Variants in ARHGEF4 observed in about 807,000 individuals in gnomAD.
ARHGEF4 encodes the protein Rho guanine nucleotide exchange factor 4, also known as APC-stimulated guanine nucleotide exchange factor 1.
A neutral mutation model predicts 162.0 loss-of-function variants in ARHGEF4; 119 were observed. That is an observed-to-expected ratio of 0.73 (90% CI 0.63 to 0.86). ARHGEF4 has a LOEUF of 0.86. Ranked by LOEUF, ARHGEF4 falls within the 40% of genes least tolerant of loss-of-function variation. The pLI, the probability that ARHGEF4 is intolerant of heterozygous loss-of-function variation, is 0.00. For missense variants in ARHGEF4, 2,488 were observed against 2,456.0 expected (o/e 1.01, Z -0.28); for synonymous variants, 1,014 against 979.9 (o/e 1.03, Z -0.65).
chr2:130,856,824 T>C (rs1681823080), intron 1 of ARHGEF4, among the ~76,000 whole-genome samples: 1 of 152,136 alleles, frequency 6.6e-6, no homozygotes, highest in Admixed American at 6.5e-5. Context: ...AAATGTAATA[T>C]GCTTCACAGT....
At chr2:130,949,675 TC>T (rs1424869523) in intron 4 of ARHGEF4, among the ~76,000 whole-genome samples, 1 of 151,916 alleles carries the variant, frequency 6.6e-6, no homozygotes, top group Non-Finnish European at 1.5e-5. Context: ...CGATGGGGTC[TC>T]GCTCTGTCGC....
chr2:130,960,482 T>G (rs1428729417), intron 4 of ARHGEF4, among the ~76,000 whole-genome samples: 1 of 152,150 alleles, frequency 6.6e-6, no homozygotes, highest in East Asian at 1.9e-4. Flanking sequence ...AGGCTATACA[T>G]TTAGGTTTGT....
intron 1 of ARHGEF4, among the ~76,000 whole-genome samples, chr2:130,907,950 C>T (rs1374668831): frequency 6.7e-6 from 1 of 149,534 alleles, no homozygotes; most frequent in African/African-American, 2.5e-5. Context: ...AAGCAAGACT[C>T]TGTCTCAAAA....
At chr2:131,043,423 G>T in intron 10 of ARHGEF4, 29 bp from the exon 11 acceptor site, 1 of 1,613,122 alleles carries the variant, frequency 6.2e-7, no homozygotes. Flanking sequence ...GGTATGCGAG[G>T]CTCATGGTTC....
At chr2:130,851,307 C>CAAAGCAGCAGGGCAGAGCTCGACACTATG (rs1681393401) in intron 1 of ARHGEF4, among the ~76,000 whole-genome samples, 1 of 152,222 alleles carries the variant, frequency 6.6e-6, no homozygotes, top group Non-Finnish European at 1.5e-5. Flanking sequence ...CAGGAGGGTG[C>CAAAGCAGCAGGGCAGAGCTCGACACTATG]TGGCGCCAGC....
At chr2:130,845,259 C>T (rs1574083627) in intron 1 of ARHGEF4, among the ~76,000 whole-genome samples, 1 of 151,720 alleles carries the variant, frequency 6.6e-6, no homozygotes, top group East Asian at 2.0e-4. Flanking sequence ...GTGGCTCACA[C>T]CTGTAATCCC....
chr2:131,042,006 T>G, intron 10 of ARHGEF4, 62 bp downstream of exon 10: 2 of 1,563,068 alleles, frequency 1.3e-6, no homozygotes, highest in Non-Finnish European at 1.7e-6. Context: ...AAAATCATGC[T>G]TGCCCCTGAA....
intron 1 of ARHGEF4, among the ~76,000 whole-genome samples, chr2:130,867,772 G>T (rs1682386789): frequency 6.6e-6 from 1 of 152,106 alleles, no homozygotes; most frequent in Non-Finnish European, 1.5e-5. Context: ...GAGATAAGAT[G>T]AGGAACTTGC....
In ARHGEF4 at chr2:130,988,883, TATATATATATATATATATAGAGAG is replaced by T. The variant is rs1327128280; in HGVS notation, c.3986-39060_3986-39037del. On this transcript the variant is annotated intron_variant, in intron 4 of 13. Coordinates refer to ENST00000409359, the MANE Select transcript of ARHGEF4 (RefSeq NM_001367493.1). ...GTGTGTGTGTGTGTGTATATATATA[TATATATATATATATATATAGAGAG>T]AGAGAGAGAGAGAGAGAGAGAGAGA... Among the ~76,000 whole-genome samples, 8 of 54,046 alleles carry T rather than the reference TATATATATATATATATATAGAGAG, an allele frequency of 1.5e-4. No individual in the cohort carries two copies. In the East Asian group the frequency reaches 3.6e-3, roughly 24 times the overall value. The allele number at this position is 54,046 out of a possible 152,430, so 35.5% of individuals were successfully genotyped here.
intron 2 of ARHGEF4, among the ~76,000 whole-genome samples, chr2:130,922,186 A>G (rs1453547210): frequency 6.6e-6 from 1 of 151,936 alleles, no homozygotes; most frequent in East Asian, 2.0e-4. Context: ...CCTGACCAAC[A>G]TGGAGAAACC....
intron 4 of ARHGEF4, among the ~76,000 whole-genome samples, chr2:130,969,843 C>G (rs1246440201): frequency 6.6e-6 from 1 of 152,130 alleles, no homozygotes; most frequent in Middle Eastern, 3.2e-3. Context: ...AGACTCCATC[C>G]CTAGGGATTT....
chr2:130,899,972 G>A (rs1680391870), intron 1 of ARHGEF4, among the ~76,000 whole-genome samples: 1 of 152,014 alleles, frequency 6.6e-6, no homozygotes, highest in South Asian at 2.1e-4. Flanking sequence ...CTTTCCTTGA[G>A]ACTTCCTCTT....
chr2:131,001,678 A>G (rs193049416), intron 4 of ARHGEF4, among the ~76,000 whole-genome samples: 1 of 152,302 alleles, frequency 6.6e-6, no homozygotes, highest in Non-Finnish European at 1.5e-5. Context: ...ATGTATGCAT[A>G]GCAGGCAGCT....
chr2:130,883,302 T>C (rs1679311148), intron 1 of ARHGEF4, among the ~76,000 whole-genome samples: 1 of 151,998 alleles, frequency 6.6e-6, no homozygotes, highest in South Asian at 2.1e-4. Context: ...TGAGACCGAG[T>C]GTGCTGGGTG....
At chr2:130,901,848 TA>T (rs1160318576) in intron 1 of ARHGEF4, among the ~76,000 whole-genome samples, 1 of 152,116 alleles carries the variant, frequency 6.6e-6, no homozygotes, top group Non-Finnish European at 1.5e-5. Context: ...AGAACCTCCT[TA>T]AACTCTCACA....
At chr2:130,981,177 C>T (rs1686091639) in intron 4 of ARHGEF4, among the ~76,000 whole-genome samples, 1 of 152,092 alleles carries the variant, frequency 6.6e-6, no homozygotes, top group South Asian at 2.1e-4. Flanking sequence ...CTGTTGTGCT[C>T]CATCCATTCC....
intron 4 of ARHGEF4, among the ~76,000 whole-genome samples, chr2:131,027,039 C>T (rs544559878): frequency 1.3e-5 from 2 of 152,272 alleles, no homozygotes; most frequent in South Asian, 4.1e-4. Context: ...CTTAGTGGGG[C>T]CGTCATGAAA....
At chr2:131,040,988 A>G (rs1690770954) in intron 8 of ARHGEF4, among the ~76,000 whole-genome samples, 1 of 151,914 alleles carries the variant, frequency 6.6e-6, no homozygotes, top group Admixed American at 6.6e-5. Context: ...GTTATCATGG[A>G]TTTCACCCAG....
At chr2:130,972,069 A>G (rs1252666347) in intron 4 of ARHGEF4, among the ~76,000 whole-genome samples, 1 of 152,238 alleles carries the variant, frequency 6.6e-6, no homozygotes, top group Non-Finnish European at 1.5e-5. Context: ...GTTTAATTAA[A>G]TGAACATCAT....
Sources: gnomAD v4.1 joint callset for allele counts (sites outside exome capture counted in the v4.1 genomes callset) on GRCh38, gnomAD v4.1.1 for gene constraint, MANE v1.5 for transcripts, NCBI Gene and HGNC (gene_info 2026-07-23, HGNC 2026-07-21) for gene names.